CCNI: variants seen among roughly 807,000 people sequenced by gnomAD.
CCNI encodes cyclin I.
In CCNI, 14 loss-of-function variants were observed where a neutral mutation model predicts 34.1. The ratio of observed to expected loss-of-function variants is 0.41; its 90% CI spans 0.27 to 0.64. The LOEUF is 0.64. Ranked by LOEUF, CCNI falls within the 30% of genes least tolerant of loss-of-function variation. CCNI has a pLI of 0.31. For synonymous variants in CCNI, 154 were observed against 158.4 expected (o/e 0.97, Z 0.21); for missense variants, 385 against 440.5 (o/e 0.87, Z 1.13).
chr4:77,069,094 A>G (rs1311966527), intron 1 of CCNI, among the ~76,000 whole-genome samples: 1 of 152,212 alleles, frequency 6.6e-6, no homozygotes, highest in Non-Finnish European at 1.5e-5. Context: ...CATGTCATAA[A>G]GCAGCTTTCT....
intron 2 of CCNI, among the ~76,000 whole-genome samples, chr4:77,064,036 G>A (rs1728826119): frequency 6.6e-6 from 1 of 152,124 alleles, no homozygotes; most frequent in Admixed American, 6.5e-5. Context: ...GAGGTGAGGA[G>A]TTCGAGACCA....
intron 1 of CCNI, among the ~76,000 whole-genome samples, chr4:77,070,303 C>T (rs1002974696): frequency 6.6e-6 from 1 of 151,414 alleles, no homozygotes; most frequent in Non-Finnish European, 1.5e-5. Context: ...TGGCATGAGC[C>T]ACCACTCGTG....
intron 2 of CCNI, among the ~76,000 whole-genome samples, chr4:77,059,806 A>G (rs1728482183): frequency 6.6e-6 from 1 of 152,184 alleles, no homozygotes; most frequent in Admixed American, 6.5e-5. Flanking sequence ...AACCAAGTAA[A>G]GCCAATCACA....
intron 1 of CCNI, among the ~76,000 whole-genome samples, chr4:77,070,474 CTTTTTTTTT>C (rs543086530): frequency 8.4e-6 from 1 of 119,168 alleles, no homozygotes; most frequent in Non-Finnish European, 1.8e-5. Context: ...TGGGTACTTT[CTTTTTTTTT>C]TTTTTTTTTT....
At position 77,068,156 on chromosome 4, in the gene CCNI, G is replaced by A. The variant is rs569180447; in HGVS notation, c.-43-1751C>T. Among the ~76,000 whole-genome samples, 674 of 152,062 alleles carry A rather than the reference G, an allele frequency of 4.4e-3. 5 individuals carry two copies. The highest frequency in any genetic ancestry group is 0.034 in the Middle Eastern group (10 of 294). On this transcript the variant is annotated intron_variant, in intron 1 of 6. Coordinates refer to ENST00000237654, the MANE Select transcript of CCNI (RefSeq NM_006835.3). Reference sequence around the variant, plus strand: ...TTGCACCACTGCACTCCAGCCTGGCGACAGAGCAAGACTCCGTCTCAAAAC... The same window carrying A: ...TTGCACCACTGCACTCCAGCCTGGCAACAGAGCAAGACTCCGTCTCAAAAC...
rs573736835 is a variant in CCNI, at chr4:77,055,344, G to T, written c.496C>A (p.Leu166Ile). The T allele has an allele frequency of 4.3e-6, 7 of 1,614,102 alleles. No individual in the cohort carries two copies. The highest frequency in any genetic ancestry group is 4.0e-5 in the African/African-American group (3 of 75,048). ...AIAVSTRPQL[L>I]FSLPKLSPSQ... Reference sequence around the variant, plus strand: ...GGGCTCAATTTGGGCAAACTGAAAAGTAACTGAGGCCTAGTTGACACTGCA... The same window carrying T: ...GGGCTCAATTTGGGCAAACTGAAAATTAACTGAGGCCTAGTTGACACTGCA... Residue 166 changes from leucine (L) to isoleucine (I), a missense_variant, in exon 6 of 7, where the codon CTT (leucine) becomes ATT (isoleucine). By Grantham distance (5) the Leu-to-Ile change is conservative. Around this residue, in one of 2 missense-constraint regions of CCNI, gnomAD observed 135 missense variants for 191.8 expected, o/e 0.70. Coordinates refer to ENST00000237654, the MANE Select transcript of CCNI (RefSeq NM_006835.3).
chr4:77,055,464 C>CT (rs11378505), intron 5 of CCNI, 84 bp from the exon 6 acceptor site: 105,770 of 661,172 alleles, frequency 0.16, 1,142 homozygotes, highest in Middle Eastern at 0.19. Context: ...TATTCAATTT[C>CT]TTTTTTTTTT....
intron 2 of CCNI, chr4:77,065,087 C>T (rs1409603299): frequency 6.6e-6 from 1 of 152,198 alleles, no homozygotes; most frequent in African/African-American, 2.4e-5. Context: ...TATATAAACA[C>T]TCCTCATTCA....
At chr4:77,055,892 CA>C in intron 5 of CCNI, 69 bp downstream of exon 5, 1 of 1,242,338 alleles carries the variant, frequency 8.0e-7, no homozygotes, top group South Asian at 1.5e-5. Flanking sequence ...AATGAGTAGG[CA>C]ATCTATTTTT....
At chr4:77,052,195 A>G (rs2110009711) in intron 6 of CCNI, among the ~76,000 whole-genome samples, 2 of 141,146 alleles carry the variant, frequency 1.4e-5, no homozygotes, top group African/African-American at 5.2e-5. Context: ...TTTAGCTCCC[A>G]CTTGTGAGAA....
intron 2 of CCNI, among the ~76,000 whole-genome samples, chr4:77,063,644 C>A (rs4252840): frequency 1.3e-5 from 2 of 150,704 alleles, no homozygotes; most frequent in East Asian, 3.9e-4. Context: ...GAGCCAAGAT[C>A]GCGCCAGTGC....
intron 1 of CCNI, among the ~76,000 whole-genome samples, chr4:77,072,911 CAAGACTAGTAAGACATACTATGATACAG>C (rs1191089546): frequency 6.6e-6 from 1 of 152,126 alleles, no homozygotes; most frequent in African/African-American, 2.4e-5. Context: ...GAACAAAAGA[CAAGACTAGTAAGACATACTATGATACAG>C]AAAGCATGGG....
chr4:77,057,981 A>T lies in CCNI; in HGVS notation c.243+526T>A, dbSNP rs4252875. On this transcript the variant is annotated intron_variant, in intron 3 of 6. Transcript: ENST00000237654. ...AAGAGATAAAAAATTTCATAGGCTA[A>T]AAAGTTATGAATACTTGTAACAAAA... 7.2e-3 allele frequency among the ~76,000 whole-genome samples: 1,100 copies of T among 152,334 alleles called. 15 individuals are homozygous for T. The highest frequency in any genetic ancestry group is 0.025 in the African/African-American group (1,035 of 41,574).
At chr4:77,075,365 C>T (rs1182048414) in intron 1 of CCNI, 107 bp downstream of exon 1, 6 of 284,002 alleles carry the variant, frequency 2.1e-5, no homozygotes, top group Non-Finnish European at 3.2e-5. Flanking sequence ...CAGCGCGCGG[C>T]CAAGGGCGCT....
rs1316078705 is a variant in CCNI, at chr4:77,075,463, G to GCCCCCA, written c.-44+8_-44+9insTGGGGG. The GCCCCCA allele has an allele frequency of 1.2e-5, 4 of 331,620 alleles. No individual in the cohort carries two copies. Among genetic ancestry groups the GCCCCCA allele is most frequent in the African/African-American group, 9.1e-5 (4 of 44,070 alleles). The allele number at this position is 331,620 out of a possible 1,614,324, so 20.5% of individuals were successfully genotyped here. A position where few individuals can be genotyped will look rare whatever the true frequency, so the allele number is the denominator to read the frequency against. ...GCGTCGAGCCCCCGCCCCCGCCCCC[G>GCCCCCA]CCCCTCACCTTCTCCTCCTCTTCCT... On this transcript the variant is annotated intron_variant, in intron 1 of 6. Coordinates refer to ENST00000237654, the MANE Select transcript of CCNI (RefSeq NM_006835.3).
chr4:77,053,452 A>G (rs2110011787), intron 6 of CCNI, among the ~76,000 whole-genome samples: 1 of 152,296 alleles, frequency 6.6e-6, no homozygotes. Context: ...AGAAGAAAAA[A>G]AAGTTTCAGT....
chr4:77,055,389 C>G lies in CCNI; in HGVS notation c.460-9G>C, dbSNP rs181669085. 8.4e-6 allele frequency: 13 copies of G among 1,546,356 alleles called. No individual in the cohort carries two copies. Among genetic ancestry groups the G allele is most frequent in the Non-Finnish European group, 1.2e-5 (13 of 1,119,652 alleles). ...ACTGCAATGGCATGGAACTGAAAAT[C>G]ACAAGAACATCATTTTAACTTTATT... On this transcript the variant is annotated splice_polypyrimidine_tract_variant and intron_variant, in intron 5 of 6. Coordinates refer to ENST00000237654, the MANE Select transcript of CCNI (RefSeq NM_006835.3).
chr4:77,067,802 AAAAAAAAAAAAAAAAAAG>A (rs1379384028), intron 1 of CCNI, among the ~76,000 whole-genome samples: 1 of 87,456 alleles, frequency 1.1e-5, no homozygotes, highest in Non-Finnish European at 2.9e-5. Flanking sequence ...AAAAAAAAAA[AAAAAAAAAAAAAAAAAAG>A]AAGCAAACTA....
chr4:77,069,660 T>C (rs1313156016), intron 1 of CCNI, among the ~76,000 whole-genome samples: 1 of 145,538 alleles, frequency 6.9e-6, no homozygotes, highest in African/African-American at 2.6e-5. Context: ...TCATTTTTTT[T>C]ATTACTCACT....
Sources: allele counts gnomAD v4.1 joint callset (sites outside exome capture counted in the v4.1 genomes callset), GRCh38; gene constraint gnomAD v4.1.1; regional missense constraint gnomAD v4.1.1; transcripts MANE v1.5; gene names NCBI Gene and HGNC (gene_info 2026-07-23, HGNC 2026-07-21).